Variants in GRM8 observed in about 807,000 individuals in gnomAD.
GRM8 encodes metabotropic glutamate receptor 8.
A neutral mutation model predicts 87.2 loss-of-function variants in GRM8; 47 were observed. The ratio of observed to expected loss-of-function variants is 0.54; its 90% CI spans 0.43 to 0.69. The LOEUF (loss-of-function observed/expected upper bound fraction) is 0.69. Among genes scored for constraint, GRM8 ranks in the 30% least tolerant of loss-of-function variants. GRM8 has a pLI of 0.00. For missense variants in GRM8, 1,019 were observed against 1,139.2 expected, an observed-to-expected ratio of 0.89 and a Z score of 1.52; for synonymous variants, 396 against 404.5, an observed-to-expected ratio of 0.98 and a Z score of 0.25.
intron 3 of GRM8, among the ~76,000 whole-genome samples, chr7:127,081,032 T>G (rs1410002665): frequency 6.6e-6 from 1 of 152,194 alleles, no homozygotes; most frequent in African/African-American, 2.4e-5. Context: ...TTAGCTCAAA[T>G]TTAATATGGT....
At chr7:126,821,090 A>G (rs1447939665) in intron 6 of GRM8, among the ~76,000 whole-genome samples, 1 of 152,202 alleles carries the variant, frequency 6.6e-6, no homozygotes, top group African/African-American at 2.4e-5. Flanking sequence ...CGACGGAGCA[A>G]GACTCTGTCT....
chr7:127,211,952 T>C (rs903994425), intron 2 of GRM8, among the ~76,000 whole-genome samples: 2 of 152,234 alleles, frequency 1.3e-5, no homozygotes, highest in African/African-American at 4.8e-5. Context: ...AATTTCACTA[T>C]TACCCCATAA....
chr7:126,711,860 G>A (rs978774763), intron 7 of GRM8, among the ~76,000 whole-genome samples: 2 of 152,190 alleles, frequency 1.3e-5, no homozygotes, highest in Non-Finnish European at 2.9e-5. Flanking sequence ...AGCCTTCATA[G>A]AATTGAAGAG....
At chr7:126,945,040 G>T (rs1807382090) in intron 3 of GRM8, among the ~76,000 whole-genome samples, 1 of 152,088 alleles carries the variant, frequency 6.6e-6, no homozygotes, top group African/African-American at 2.4e-5. Flanking sequence ...CCAATCTTTT[G>T]GGGAAGAGAA....
chr7:126,455,913 T>C (rs926598937), intron 9 of GRM8, among the ~76,000 whole-genome samples: 3 of 150,620 alleles, frequency 2.0e-5, no homozygotes, highest in African/African-American at 7.3e-5. Flanking sequence ...GAGAATAATA[T>C]AAACATACAA....
intron 3 of GRM8, among the ~76,000 whole-genome samples, chr7:127,038,998 G>A (rs1818104179): frequency 6.6e-6 from 1 of 152,196 alleles, no homozygotes; most frequent in Non-Finnish European, 1.5e-5. Context: ...TCACCCCACA[G>A]TTGTCTCTGA....
intron 6 of GRM8, among the ~76,000 whole-genome samples, chr7:126,839,933 A>T (rs1796123902): frequency 6.6e-6 from 1 of 152,214 alleles, no homozygotes. Flanking sequence ...TCAAGTTCTT[A>T]CATCAATCAG....
intron 6 of GRM8, among the ~76,000 whole-genome samples, chr7:126,856,703 T>G (rs1797713000): frequency 6.6e-6 from 1 of 152,236 alleles, no homozygotes; most frequent in East Asian, 1.9e-4. Context: ...TATACAACAA[T>G]GCTAAGTCAT....
At chr7:126,616,609 C>A (rs531588141) in intron 7 of GRM8, among the ~76,000 whole-genome samples, 2 of 152,154 alleles carry the variant, frequency 1.3e-5, no homozygotes, top group African/African-American at 4.8e-5. Flanking sequence ...AAAAGATCAA[C>A]AAAATTGATA....
At chr7:126,682,946 G>A (rs1807770602) in intron 7 of GRM8, among the ~76,000 whole-genome samples, 1 of 152,174 alleles carries the variant, frequency 6.6e-6, no homozygotes, top group Non-Finnish European at 1.5e-5. Context: ...ATGCTCTGGA[G>A]GCTGAGGCAG....
rs192419176 is a variant in GRM8, at chr7:127,210,771, T to C, written c.510+31924A>G. On this transcript the variant is annotated intron_variant, in intron 2 of 10. Transcript: ENST00000339582. ...CACTGGCACTGTCCCTTTGGTTTCA[T>C]AGAAAATAAGCACAAATAAAAGATT... 7.2e-5 allele frequency among the ~76,000 whole-genome samples: 11 copies of C among 152,286 alleles called. No homozygotes were observed. The South Asian group carries it at 8.3e-4, about 11-fold the overall frequency.
chr7:126,602,450 T>G (rs1797899444), intron 8 of GRM8, among the ~76,000 whole-genome samples: 1 of 116,314 alleles, frequency 8.6e-6, no homozygotes, highest in Non-Finnish European at 2.0e-5. Context: ...TTTAAAGTAG[T>G]TTTTTCCAAT....
At chr7:126,892,162 C>T (rs562795923) in intron 6 of GRM8, among the ~76,000 whole-genome samples, 3 of 149,984 alleles carry the variant, frequency 2.0e-5, no homozygotes, top group Non-Finnish European at 4.4e-5. Context: ...TATTATTATA[C>T]TTTAAGTTTC....
chr7:127,064,692 G>T (rs1820936508), intron 3 of GRM8, among the ~76,000 whole-genome samples: 1 of 152,012 alleles, frequency 6.6e-6, no homozygotes, highest in Admixed American at 6.6e-5. Flanking sequence ...AAACCCCATT[G>T]AAAAGTGGGC....
intron 8 of GRM8, among the ~76,000 whole-genome samples, chr7:126,545,559 T>C (rs1817053260): frequency 6.6e-6 from 1 of 152,230 alleles, no homozygotes; most frequent in South Asian, 2.1e-4. Flanking sequence ...CTATTTTAGC[T>C]ATTTTAATGT....
intron 9 of GRM8, among the ~76,000 whole-genome samples, chr7:126,471,928 T>C (rs1805311247): frequency 6.6e-6 from 1 of 152,202 alleles, no homozygotes; most frequent in Non-Finnish European, 1.5e-5. Flanking sequence ...GTTGGATTCC[T>C]AGGTATTTTA....
At chr7:126,991,730 A>C (rs1414070057) in intron 3 of GRM8, among the ~76,000 whole-genome samples, 1 of 152,210 alleles carries the variant, frequency 6.6e-6, no homozygotes, top group Non-Finnish European at 1.5e-5. Flanking sequence ...AAATGGAAAC[A>C]GAGTTGATTT....
chr7:126,859,955 C>CTGCAA (rs1798012219), intron 6 of GRM8, among the ~76,000 whole-genome samples: 1 of 152,114 alleles, frequency 6.6e-6, no homozygotes, highest in South Asian at 2.1e-4. Context: ...ATCCAGCACT[C>CTGCAA]TGCAATGCAA....
chr7:127,135,782 C>T (rs1454788029), intron 2 of GRM8, among the ~76,000 whole-genome samples: 1 of 151,980 alleles, frequency 6.6e-6, no homozygotes, highest in Non-Finnish European at 1.5e-5. Flanking sequence ...TAAGATAGGT[C>T]ATTTTCTCCA....
Sources: gnomAD v4.1 joint callset for allele counts (sites outside exome capture counted in the v4.1 genomes callset) on GRCh38, gnomAD v4.1.1 for gene constraint, MANE v1.5 for transcripts, NCBI Gene and HGNC (gene_info 2026-07-23, HGNC 2026-07-21) for gene names.